Variants in CNOT6 observed in about 807,000 individuals in gnomAD.
CNOT6 encodes the protein CCR4-NOT transcription complex subunit 6, also known as carbon catabolite repression 4 protein.
A neutral mutation model predicts 61.2 loss-of-function variants in CNOT6; 12 were observed. The ratio of observed to expected loss-of-function variants is 0.20; its 90% CI spans 0.13 to 0.32. The LOEUF is 0.32. Ranked by LOEUF, CNOT6 falls within the 10% of genes least tolerant of loss-of-function variation. CNOT6 has a pLI of 1.00. For missense variants in CNOT6, 405 were observed against 663.9 expected (o/e 0.61, Z 4.28); for synonymous variants, 225 against 240.6 (o/e 0.94, Z 0.60).
intron 3 of CNOT6, among the ~76,000 whole-genome samples, chr5:180,552,504 G>A (rs373360272): frequency 0.015 from 2,208 of 151,970 alleles, 45 homozygotes; most frequent in African/African-American, 0.051. Context: ...AAATTAGCTG[G>A]GTGTGGTGGC....
At chr5:180,533,312 C>CTATATGTATATATATA (rs71591497) in intron 2 of CNOT6, among the ~76,000 whole-genome samples, 1 of 127,642 alleles carries the variant, frequency 7.8e-6, no homozygotes, top group African/African-American at 3.1e-5. Context: ...GGATGAAAAC[C>CTATATGTATATATATA]TATATATATA....
chr5:180,566,008 A>G (rs1760433739), intron 7 of CNOT6, 31 bp downstream of exon 7: 1 of 1,579,268 alleles, frequency 6.3e-7, no homozygotes, highest in Admixed American at 1.8e-5. Flanking sequence ...TCAACCTAGC[A>G]TTGATAAAGG....
chr5:180,549,875 A>C, intron 2 of CNOT6, 56 bp from the exon 3 acceptor site: 14 of 1,316,984 alleles, frequency 1.1e-5, no homozygotes, highest in African/African-American at 1.5e-5. Context: ...TGAAATCTAC[A>C]GAACAAAATG....
At chr5:180,506,077 A>G (rs1473004882) in intron 1 of CNOT6, among the ~76,000 whole-genome samples, 1 of 152,164 alleles carries the variant, frequency 6.6e-6, no homozygotes, top group African/African-American at 2.4e-5. Context: ...AATTCTTGAG[A>G]ATGAGGCTGT....
At chr5:180,540,715 C>T (rs1758989035) in intron 2 of CNOT6, among the ~76,000 whole-genome samples, 1 of 152,000 alleles carries the variant, frequency 6.6e-6, no homozygotes, top group Non-Finnish European at 1.5e-5. Flanking sequence ...TTTATTGGAC[C>T]CTAACCCCAT....
At chr5:180,512,254 G>C (rs1168879040) in intron 1 of CNOT6, among the ~76,000 whole-genome samples, 1 of 152,170 alleles carries the variant, frequency 6.6e-6, no homozygotes, top group Admixed American at 6.5e-5. Flanking sequence ...CACTGTGGAG[G>C]CTAGGTGGGA....
At chr5:180,498,359 A>G (rs945686257) in intron 1 of CNOT6, among the ~76,000 whole-genome samples, 2 of 152,222 alleles carry the variant, frequency 1.3e-5, no homozygotes, top group Non-Finnish European at 2.9e-5. Flanking sequence ...CATAGTGTAT[A>G]GGCTTCATAG....
intron 2 of CNOT6, 66 bp from the exon 3 acceptor site, chr5:180,549,864 CT>C: frequency 8.2e-7 from 1 of 1,212,616 alleles, no homozygotes; most frequent in Non-Finnish European, 1.2e-6. Flanking sequence ...CTAAATCTTA[CT>C]GAAATCTACA....
chr5:180,495,388 A>G (rs1250760539), intron 1 of CNOT6: 1 of 152,212 alleles, frequency 6.6e-6, no homozygotes. Flanking sequence ...TTCTCTGGTA[A>G]CCCAAATTGC....
At chr5:180,527,950 G>A (rs974393991) in intron 1 of CNOT6, among the ~76,000 whole-genome samples, 1 of 152,136 alleles carries the variant, frequency 6.6e-6, no homozygotes, top group Non-Finnish European at 1.5e-5. Flanking sequence ...CTTATGATGC[G>A]ATCTAACTAA....
intron 1 of CNOT6, among the ~76,000 whole-genome samples, chr5:180,514,877 A>T (rs757237925): frequency 5.3e-5 from 8 of 152,156 alleles, no homozygotes; most frequent in Non-Finnish European, 8.8e-5. Context: ...GTGAAGAAAA[A>T]AATAGACCAG....
intron 1 of CNOT6, among the ~76,000 whole-genome samples, chr5:180,508,750 G>A (rs1038598961): frequency 1.3e-5 from 2 of 151,928 alleles, no homozygotes; most frequent in African/African-American, 4.8e-5. Flanking sequence ...ATTCTCCCAG[G>A]TAGCTGGGAC....
intron 3 of CNOT6, among the ~76,000 whole-genome samples, chr5:180,551,445 C>T (rs1561655905): frequency 2.6e-5 from 4 of 152,114 alleles, no homozygotes; most frequent in African/African-American, 9.7e-5. Flanking sequence ...ACTATGTTGC[C>T]CAGGCAGGTC....
chr5:180,546,299 C>T (rs904836359), intron 2 of CNOT6, among the ~76,000 whole-genome samples: 1 of 152,108 alleles, frequency 6.6e-6, no homozygotes, highest in Non-Finnish European at 1.5e-5. Context: ...TTTTTCTTCA[C>T]TCTCTTGTTT....
intron 1 of CNOT6, among the ~76,000 whole-genome samples, chr5:180,516,938 C>T (rs1398624523): frequency 6.6e-6 from 1 of 152,178 alleles, no homozygotes; most frequent in Non-Finnish European, 1.5e-5. Flanking sequence ...ACGTGTGTTT[C>T]ATACTGCACC....
intron 3 of CNOT6, 117 bp downstream of exon 3, chr5:180,550,234 G>C (rs557508965): frequency 4.4e-6 from 3 of 688,862 alleles, no homozygotes; most frequent in Non-Finnish European, 7.2e-6. Flanking sequence ...AGAGGATCAT[G>C]AGGTCAGGAG....
chr5:180,530,846 T>G (rs577810553), intron 2 of CNOT6, among the ~76,000 whole-genome samples: 302 of 152,218 alleles, frequency 2.0e-3, no homozygotes, highest in Non-Finnish European at 2.2e-3. Context: ...TAACCCTGAG[T>G]GGACACAGCA....
chr5:180,543,054 T>TATTA (rs1561650880), intron 2 of CNOT6, among the ~76,000 whole-genome samples: 1 of 152,074 alleles, frequency 6.6e-6, no homozygotes, highest in Admixed American at 6.6e-5. Context: ...TTTTTAAATT[T>TATTA]ATTTATTTAT....
intron 1 of CNOT6, among the ~76,000 whole-genome samples, chr5:180,528,341 C>T (rs1353249613): frequency 5.9e-5 from 9 of 152,132 alleles, no homozygotes; most frequent in African/African-American, 1.2e-4. Context: ...GACGGAGTCT[C>T]GCTCTGTTGC....
Sources: allele counts gnomAD v4.1 joint callset (sites outside exome capture counted in the v4.1 genomes callset), GRCh38; gene constraint gnomAD v4.1.1; transcripts MANE v1.5; gene names NCBI Gene and HGNC (gene_info 2026-07-23, HGNC 2026-07-21).